The following MPHOSPH8 variants were observed in gnomAD, a reference collection of about 807,000 sequenced individuals.
The protein encoded by MPHOSPH8 is M-phase phosphoprotein, mpp.
MPHOSPH8 carries 45 observed loss-of-function variants against 87.3 expected under a neutral mutation model. The observed-to-expected ratio is 0.52, with a 90% CI of 0.41 to 0.66. The LOEUF (loss-of-function observed/expected upper bound fraction) is 0.66, where lower values mean the gene tolerates loss of function less well. Ranked by LOEUF, MPHOSPH8 falls within the 30% of genes least tolerant of loss-of-function variation. The pLI is 0.00. For missense variants in MPHOSPH8, 883 were observed against 1,020.2 expected, an observed-to-expected ratio of 0.87 and a Z score of 1.83; for synonymous variants, 366 against 376.9, an observed-to-expected ratio of 0.97 and a Z score of 0.33.
At position 19,670,382 on chromosome 13, in the gene MPHOSPH8, C is replaced by T. The variant is rs1233679893; in HGVS notation, c.2457+19C>T. ...TTTTCTGGTAAGATACTCTGTATTTCACTACTGAAAAGTACATTCTTCTAA... is the reference window on the plus strand; with the variant it reads ...TTTTCTGGTAAGATACTCTGTATTTTACTACTGAAAAGTACATTCTTCTAA... On this transcript the variant is annotated intron_variant, in intron 12 of 13. Transcript: ENST00000361479. The T allele has an allele frequency of 2.5e-6, 4 of 1,610,488 alleles. No homozygotes were observed. Among genetic ancestry groups the T allele is most frequent in the East Asian group, 2.2e-5 (1 of 44,832 alleles).
intron 10 of MPHOSPH8, 102 bp from the exon 11 acceptor site, chr13:19,668,275 G>A: frequency 4.0e-6 from 4 of 994,678 alleles, no homozygotes; most frequent in Non-Finnish European, 5.9e-6. Context: ...AGAGCTGCAG[G>A]TCTTTGTTTG....
At chr13:19,639,726 G>T (rs1234350316) in intron 1 of MPHOSPH8, among the ~76,000 whole-genome samples, 2 of 152,154 alleles carry the variant, frequency 1.3e-5, no homozygotes, top group Non-Finnish European at 1.5e-5. Context: ...GAAAAAGAAG[G>T]TGATTAAAAT....
At position 19,637,711 on chromosome 13, in the gene MPHOSPH8, T is replaced by C. The variant is rs1874081312; in HGVS notation, c.213+3750T>C. Among the ~76,000 whole-genome samples, 3 of 152,218 alleles carry C rather than the reference T, an allele frequency of 2.0e-5. No homozygotes were observed. The South Asian group carries it at 6.2e-4, about 31-fold the overall frequency. ...CTAAGATTTCTTTTCTTTTCCCCCATTCATGCAAGCTAAGAAGCTGTCTTC... is the reference window on the plus strand; with the variant it reads ...CTAAGATTTCTTTTCTTTTCCCCCACTCATGCAAGCTAAGAAGCTGTCTTC... On this transcript the variant is annotated intron_variant, in intron 1 of 13. Transcript: ENST00000361479.
intron 5 of MPHOSPH8, among the ~76,000 whole-genome samples, chr13:19,655,428 A>G (rs1188185208): frequency 3.3e-5 from 5 of 152,122 alleles, no homozygotes; most frequent in Admixed American, 6.5e-5. Context: ...TGATAACACC[A>G]CTGTACTCCA....
chr13:19,649,324 G>C (rs565595467), intron 4 of MPHOSPH8, among the ~76,000 whole-genome samples: 19 of 152,020 alleles, frequency 1.2e-4, no homozygotes, highest in African/African-American at 4.6e-4. Context: ...CATTTTTACT[G>C]TGAACATACA....
intron 13 of MPHOSPH8, 89 bp downstream of exon 13, chr13:19,671,378 C>G (rs1876117588): frequency 8.7e-7 from 1 of 1,152,626 alleles, no homozygotes; most frequent in Non-Finnish European, 1.3e-6. Flanking sequence ...TTCCAAGAAT[C>G]CTGGTGTACC....
intron 10 of MPHOSPH8, among the ~76,000 whole-genome samples, chr13:19,667,247 ACAG>A (rs758213047): frequency 1.3e-5 from 2 of 152,180 alleles, no homozygotes; most frequent in Non-Finnish European, 2.9e-5. Flanking sequence ...ACTTTTAAGC[ACAG>A]CAAAGTTGAG....
At chr13:19,651,442 G>T (rs978027908) in intron 5 of MPHOSPH8, among the ~76,000 whole-genome samples, 9 of 151,592 alleles carry the variant, frequency 5.9e-5, no homozygotes, top group African/African-American at 2.2e-4. Flanking sequence ...CAGGAGAATT[G>T]CTTGAACCTG....
At chr13:19,665,420 TC>T (rs917155787) in intron 9 of MPHOSPH8, among the ~76,000 whole-genome samples, 2 of 152,188 alleles carry the variant, frequency 1.3e-5, no homozygotes, top group African/African-American at 4.8e-5. Flanking sequence ...CCCTCGCCTG[TC>T]ACTGCAGGCT....
chr13:19,653,494 C>T (rs1187959130), intron 5 of MPHOSPH8, among the ~76,000 whole-genome samples: 2 of 152,196 alleles, frequency 1.3e-5, no homozygotes, highest in African/African-American at 4.8e-5. Flanking sequence ...ATTGCAAAAA[C>T]CAGAACACCT....
Position 19,659,000 on chromosome 13 carries a change from A to G in MPHOSPH8, c.1582A>G (p.Arg528Gly). ...VCQADENSDG[R>G]QQILSLGMDL... ...AAGGCTATTGTGTGTTCCAGATGGC[A>G]GGCAGCAGATTCTGAGTTTGGGCAT... is the stretch of plus-strand genomic sequence containing the variant. The change falls in exon 6 of 14, where the codon AGG (arginine) becomes GGG (glycine). Residue 528 changes from arginine (R) to glycine (G), a missense_variant. Physicochemically the swap from Arg to Gly is moderately radical, Grantham distance 125 (BLOSUM62 -2). Transcript: ENST00000361479. 6.2e-7 allele frequency: 1 copy of G among 1,612,764 alleles called. No homozygotes were observed. Among genetic ancestry groups the G allele is most frequent in the Non-Finnish European group, 8.5e-7 (1 of 1,179,726 alleles).
At position 19,666,503 on chromosome 13, in the gene MPHOSPH8, C is replaced by G. The variant is rs766055065; in HGVS notation, c.2098C>G (p.Gln700Glu). The stretch of plus-strand genomic sequence containing the variant: ...TGACTGCAATATTTTGTCAAAGCAC[C>G]AGAATAGTGCCCTGCACTTTGCGAA... ...GADCNILSKHQNSALHFAKQS... is the reference protein window; with the variant it reads ...GADCNILSKHENSALHFAKQS... Residue 700 changes from glutamine to glutamate, a missense_variant, in exon 10 of 14, where the codon CAG (glutamine) becomes GAG (glutamate). This residue lies in a region of MPHOSPH8 where 741 missense variants were observed against 841.5 expected (regional missense o/e 0.88). Transcript: ENST00000361479. 2.5e-6 allele frequency: 4 copies of G among 1,611,458 alleles called. No homozygotes were observed. Among genetic ancestry groups the G allele is most frequent in the Non-Finnish European group, 3.4e-6 (4 of 1,177,794 alleles).
At chr13:19,671,077 C>CA in intron 12 of MPHOSPH8, 129 bp from the exon 13 acceptor site, 4 of 1,463,854 alleles carry the variant, frequency 2.7e-6, no homozygotes, top group Non-Finnish European at 3.6e-6. Flanking sequence ...GCCTTGGCCT[C>CA]CTCCACAACA....
Position 19,633,809 on chromosome 13 carries a change from A to C in MPHOSPH8, c.61A>C (p.Thr21Pro), listed in dbSNP as rs764072513. The C allele has an allele frequency of 2.4e-5, 39 of 1,609,974 alleles. No homozygotes were observed. The highest frequency in any genetic ancestry group is 3.3e-5 in the Non-Finnish European group (39 of 1,178,498). The change falls in exon 1 of 14, where the codon ACT becomes CCT. Residue 21 changes from threonine (T) to proline (P), a missense_variant. Coordinates refer to ENST00000361479, the MANE Select transcript of MPHOSPH8 (RefSeq NM_017520.4). ...TAVPVSAADS[T>P]EELAEVEEGV... ...AGTCCCTGTGTCAGCTGCCGACAGC[A>C]CTGAGGAGTTGGCCGAAGTCGAAGA...
chr13:19,646,843 T>C lies in MPHOSPH8; in HGVS notation c.770T>C (p.Phe257Ser), dbSNP rs373405714. 1.2e-6 allele frequency: 2 copies of C among 1,600,130 alleles called. No individual in the cohort carries two copies. The highest frequency in any genetic ancestry group is 1.7e-6 in the Non-Finnish European group (2 of 1,176,906). The change falls in exon 3 of 14, where the codon TTT (phenylalanine) becomes TCT (serine). Residue 257 changes from phenylalanine to serine, a missense_variant. Phe to Ser is a radical substitution (Grantham distance 155). This residue lies in a region of MPHOSPH8 where 741 missense variants were observed against 841.5 expected (regional missense o/e 0.88). Transcript: ENST00000361479. ...AATAGAAAAACAAAAAAAGAAAAAT[T>C]TGTCGAATCCCAGGTGGAATCTGAA... ...KENRKTKKEK[F>S]VESQVESESS...
rs1293213810 is a variant in MPHOSPH8, at chr13:19,648,421, G to A, written c.1219-1G>A. 5 of 1,563,808 alleles carry A rather than the reference G, an allele frequency of 3.2e-6. No homozygotes were observed. Among genetic ancestry groups the A allele is most frequent in the East Asian group, 2.3e-5 (1 of 42,798 alleles). On this transcript the variant is annotated splice_acceptor_variant, in intron 3 of 13. Transcript: ENST00000361479. LOFTEE classifies it high-confidence loss of function. ...TGTTTTGGATATCATGTCATTTTCA[G>A]GACAAAGAAACCAAAAGAAATGAAT...
intron 5 of MPHOSPH8, among the ~76,000 whole-genome samples, chr13:19,651,099 C>T (rs1418594492): frequency 6.6e-6 from 1 of 152,194 alleles, no homozygotes; most frequent in Non-Finnish European, 1.5e-5. Flanking sequence ...AAGTGGATTC[C>T]TGGTTTTCTA....
At chr13:19,635,056 T>C (rs1423627417) in intron 1 of MPHOSPH8, among the ~76,000 whole-genome samples, 1 of 152,226 alleles carries the variant, frequency 6.6e-6, no homozygotes, top group Non-Finnish European at 1.5e-5. Flanking sequence ...GTTAAGTAAT[T>C]AAGAGCTGAT....
chr13:19,641,712 T>G (rs1874303382), intron 1 of MPHOSPH8, among the ~76,000 whole-genome samples: 1 of 152,024 alleles, frequency 6.6e-6, no homozygotes, highest in Non-Finnish European at 1.5e-5. Context: ...GCCAGGCTGG[T>G]CTTCAACTCC....
Sources: gnomAD v4.1 joint callset for allele counts (sites outside exome capture counted in the v4.1 genomes callset) on GRCh38, gnomAD v4.1.1 for gene constraint, gnomAD v4.1.1 regional missense constraint, MANE v1.5 for transcripts, NCBI Gene and HGNC (gene_info 2026-07-23, HGNC 2026-07-21) for gene names.